The following CHD7 variants were observed in gnomAD, a reference collection of about 807,000 sequenced individuals.
The protein encoded by CHD7 is ATP-dependent chromatin remodeler CHD7.
Under a neutral mutation model 307.3 loss-of-function variants are expected in CHD7, and 24 were observed. The ratio of observed to expected loss-of-function variants is 0.08; its 90% confidence interval spans 0.06 to 0.11. The LOEUF (loss-of-function observed/expected upper bound fraction) is 0.11. CHD7 is among the 10% of genes least tolerant of loss of function. The pLI is 1.00. For missense variants in CHD7, 3,106 were observed against 3,727.1 expected (o/e 0.83, Z 4.34); for synonymous variants, 1,363 against 1,349.9 (o/e 1.01, Z -0.21).
chr8:60,720,673 C>T (rs538154882), intron 1 of CHD7, among the ~76,000 whole-genome samples: 10 of 152,340 alleles, frequency 6.6e-5, no homozygotes, highest in South Asian at 2.1e-4. Flanking sequence ...AAGGCTAAGA[C>T]GGCTGTCTCT....
At chr8:60,843,082 C>G (rs1023090819) in intron 21 of CHD7, among the ~76,000 whole-genome samples, 3 of 152,218 alleles carry the variant, frequency 2.0e-5, no homozygotes, top group Non-Finnish European at 2.9e-5. Flanking sequence ...CCATCACACT[C>G]ATCATGTTGT....
chr8:60,822,757 A>G lies in CHD7; in HGVS notation c.3201+11A>G. The G allele has an allele frequency of 6.2e-7, 1 of 1,600,582 alleles. No individual in the cohort carries two copies. ...TTCAAAGATCCCCAGGTAAACCTTC[A>G]CAGGTTGTATTCTTTGTACTTACTC... On this transcript the variant is annotated intron_variant, in intron 12 of 37. Transcript: ENST00000423902.
At chr8:60,819,211 C>G (rs1268324581) in intron 8 of CHD7, among the ~76,000 whole-genome samples, 1 of 152,154 alleles carries the variant, frequency 6.6e-6, no homozygotes, top group African/African-American at 2.4e-5. Flanking sequence ...CCTTGGCCTC[C>G]CAAAGTGCTG....
chr8:60,779,070 A>G (rs960836824), intron 2 of CHD7, among the ~76,000 whole-genome samples: 3 of 152,162 alleles, frequency 2.0e-5, no homozygotes, highest in Non-Finnish European at 2.9e-5. Context: ...TTTCAGCCTC[A>G]TTCTCCCTTA....
chr8:60,821,446 A>G (rs1563629779), intron 9 of CHD7, among the ~76,000 whole-genome samples: 1 of 152,076 alleles, frequency 6.6e-6, no homozygotes, highest in Non-Finnish European at 1.5e-5. Context: ...ATTTCTGTCA[A>G]TTCAGACTTA....
chr8:60,835,066 A>G (rs1563642562), intron 15 of CHD7, among the ~76,000 whole-genome samples: 1 of 152,254 alleles, frequency 6.6e-6, no homozygotes, highest in Admixed American at 6.5e-5. Context: ...TTTCTGAAGA[A>G]TAGTTGAGCA....
chr8:60,845,336 C>T lies in CHD7; in HGVS notation c.5137C>T (p.Leu1713=). The T allele has an allele frequency of 6.2e-7, 1 of 1,614,028 alleles. No homozygotes were observed. The highest frequency in any genetic ancestry group is 1.3e-5 in the African/African-American group (1 of 75,060). The change falls in exon 23 of 38, where the codon CTG becomes TTG. Residue 1713 remains leucine (L), a synonymous_variant. Transcript: ENST00000423902. ...GCCGGTGGTGCAGGATGCCGACTGG[C>T]TGGCCAGCTGCAACCCAGATGCCCT... The part of the protein sequence containing the change: ...TQPVVQDADW[L]ASCNPDALFQ...
Position 60,865,486 on chromosome 8 carries a change from G to A in CHD7, c.8547G>A (p.Glu2849=). 2 of 1,614,056 alleles carry A rather than the reference G, an allele frequency of 1.2e-6. No homozygotes were observed. Among genetic ancestry groups the A allele is most frequent in the Non-Finnish European group, 1.7e-6 (2 of 1,179,902 alleles). ...CAAAAGGAGAGGAGAAAGGAAATGA[G>A]AATGAAGACGAGAACAAAGACTCTG... is the stretch of plus-strand genomic sequence containing the variant. The part of the protein sequence containing the change: ...STSKGEEKGN[E]NEDENKDSEK... The change falls in exon 38 of 38, where the codon GAG becomes GAA. Residue 2849 remains glutamate (E), a synonymous_variant. Coordinates refer to ENST00000423902, the MANE Select transcript of CHD7 (RefSeq NM_017780.4). The surrounding 1 kb of genome is among the most constrained non-coding windows in gnomAD (Gnocchi z 4.3).
intron 1 of CHD7, among the ~76,000 whole-genome samples, chr8:60,681,968 T>C (rs1805652316): frequency 6.6e-6 from 1 of 152,214 alleles, no homozygotes; most frequent in Non-Finnish European, 1.5e-5. Flanking sequence ...ATTTTTAAAT[T>C]AGTTTTTTTA....
intron 7 of CHD7, among the ~76,000 whole-genome samples, chr8:60,812,805 A>G (rs990897192): frequency 3.3e-5 from 5 of 151,100 alleles, no homozygotes; most frequent in African/African-American, 9.7e-5. Flanking sequence ...CTGCTTGTCT[A>G]TTTATAAGCC....
intron 1 of CHD7, among the ~76,000 whole-genome samples, chr8:60,681,941 A>T (rs1262105340): frequency 6.6e-6 from 1 of 152,208 alleles, no homozygotes; most frequent in African/African-American, 2.4e-5. Context: ...TATTATATTC[A>T]TTTAATCAAT....
In CHD7 at chr8:60,739,009, A is replaced by G. The variant is rs1586243024; in HGVS notation, c.-174-2250A>G. The stretch of plus-strand genomic sequence containing the variant: ...TCCCTCTTCTGAATCTTAAGCTGAT[A>G]AAAAGTTAGCACCAACTTCATCGCC... On this transcript the variant is annotated intron_variant, in intron 1 of 37. Transcript: ENST00000423902. 3.3e-5 allele frequency among the ~76,000 whole-genome samples: 5 copies of G among 152,250 alleles called. No individual in the cohort carries two copies. In the South Asian group the frequency reaches 1.0e-3, roughly 32 times the overall value.
At chr8:60,797,363 A>G (rs1022013311) in intron 4 of CHD7, among the ~76,000 whole-genome samples, 3 of 152,238 alleles carry the variant, frequency 2.0e-5, no homozygotes, top group African/African-American at 7.2e-5. Flanking sequence ...CCCCATCACT[A>G]TTGCACAGAT....
At position 60,716,668 on chromosome 8, in the gene CHD7, T is replaced by C. The variant is rs1224603505; in HGVS notation, c.-174-24591T>C. The stretch of plus-strand genomic sequence containing the variant: ...TTCTCTCTTACTTTCCTTTTAGTTA[T>C]TTACTTATTTATTTTGTTTGACTCT... On this transcript the variant is annotated intron_variant, in intron 1 of 37. Coordinates refer to ENST00000423902, the MANE Select transcript of CHD7 (RefSeq NM_017780.4). Among the ~76,000 whole-genome samples the C allele has an allele frequency of 3.9e-5, 6 of 152,232 alleles. No homozygotes were observed. In the East Asian group the frequency reaches 7.7e-4, roughly 19 times the overall value.
chr8:60,681,012 T>C (rs1805598898), intron 1 of CHD7, among the ~76,000 whole-genome samples: 1 of 152,162 alleles, frequency 6.6e-6, no homozygotes, highest in South Asian at 2.1e-4. Context: ...GGGCGATACC[T>C]TTCTAAGGGG....
intron 15 of CHD7, 59 bp downstream of exon 15, chr8:60,830,636 T>A: frequency 6.3e-7 from 1 of 1,579,272 alleles, no homozygotes; most frequent in Non-Finnish European, 8.6e-7. Flanking sequence ...AGAAATCCCT[T>A]TCTGCCCCCA....
At chr8:60,724,168 C>T (rs1808056726) in intron 1 of CHD7, among the ~76,000 whole-genome samples, 1 of 152,224 alleles carries the variant, frequency 6.6e-6, no homozygotes, top group African/African-American at 2.4e-5. Context: ...GGGTTTGCTC[C>T]ACAGCCTTCC....
intron 4 of CHD7, among the ~76,000 whole-genome samples, chr8:60,796,463 A>G (rs1317163230): frequency 1.3e-5 from 2 of 152,160 alleles, no homozygotes; most frequent in East Asian, 3.8e-4. Flanking sequence ...CAGGACCTTT[A>G]TGTCAATAGT....
chr8:60,856,081 G>T lies in CHD7; in HGVS notation c.7043G>T (p.Gly2348Val), dbSNP rs754527047. The T allele has an allele frequency of 6.2e-7, 1 of 1,611,622 alleles. No homozygotes were observed. The highest frequency in any genetic ancestry group is 1.7e-5 in the Admixed American group (1 of 59,704). The part of the protein sequence containing the change: ...QMFDFQGLIP[G>V]YTPTTVDSPL... The stretch of plus-strand genomic sequence containing the variant: ...TTTGATTTCCAAGGCCTCATCCCAG[G>T]TTACACACCCACCACAGTGGACAGC... Residue 2348 changes from glycine (G) to valine (V), a missense_variant, in exon 33 of 38, where the codon GGT becomes GTT. Physicochemically the swap from Gly to Val is moderately radical, Grantham distance 109. Coordinates refer to ENST00000423902, the MANE Select transcript of CHD7 (RefSeq NM_017780.4).
Sources: allele counts gnomAD v4.1 joint callset (sites outside exome capture counted in the v4.1 genomes callset), GRCh38; gene constraint gnomAD v4.1.1; non-coding constraint Gnocchi (gnomAD v3.1); transcripts MANE v1.5; gene names NCBI Gene and HGNC (gene_info 2026-07-23, HGNC 2026-07-21).